Variants in PTPDC1 observed in about 807,000 individuals in gnomAD.
PTPDC1 encodes the protein protein tyrosine phosphatase domain-containing protein 1.
PTPDC1 carries 53 observed loss-of-function variants against 75.3 expected under a neutral mutation model. The ratio of observed to expected loss-of-function variants is 0.70; its 90% confidence interval spans 0.56 to 0.88. The LOEUF (loss-of-function observed/expected upper bound fraction) is 0.88. Among genes scored for constraint, PTPDC1 ranks in the 40% least tolerant of loss-of-function variants. PTPDC1 has a pLI of 0.00. For missense variants in PTPDC1, 925 were observed against 998.6 expected, an observed-to-expected ratio of 0.93 and a Z score of 0.99; for synonymous variants, 349 against 366.2, an observed-to-expected ratio of 0.95 and a Z score of 0.54.
At chr9:94,074,569 C>T (rs768590091) in intron 2 of PTPDC1, among the ~76,000 whole-genome samples, 2 of 152,126 alleles carry the variant, frequency 1.3e-5, no homozygotes, top group South Asian at 4.1e-4. Context: ...TCCCACTCCC[C>T]ACCACCTCTT....
chr9:94,068,424 G>A lies in PTPDC1; in HGVS notation c.82+3603G>A, dbSNP rs113824873. On this transcript the variant is annotated intron_variant, in intron 2 of 9. Coordinates refer to the PTPDC1 transcript ENST00000375360. The stretch of plus-strand genomic sequence containing the variant: ...TTTTTTTTTTGTAACATGTTCCTCA[G>A]TTTGGGTTTGTCTGCTGTTTCCTCA... Among the ~76,000 whole-genome samples the A allele has an allele frequency of 5.6e-3, 856 of 151,890 alleles. 5 individuals carry two copies. Among genetic ancestry groups the A allele is most frequent in the Non-Finnish European group, 8.9e-3 (604 of 67,956 alleles).
At chr9:94,049,092 G>A (rs1339507153) in intron 1 of PTPDC1, among the ~76,000 whole-genome samples, 2 of 152,044 alleles carry the variant, frequency 1.3e-5, no homozygotes, top group African/African-American at 2.4e-5. Context: ...TTGAGCCTAT[G>A]TGTGTCTCTG....
chr9:94,085,230 T>G (rs758951054), intron 1 of PTPDC1, 21 bp from the exon 2 acceptor site: 6 of 1,598,118 alleles, frequency 3.8e-6, no homozygotes, highest in Non-Finnish European at 5.1e-6. Flanking sequence ...TTTTGAATTT[T>G]CCTTTCCTTA....
chr9:94,088,746 G>A (rs368676895), intron 4 of PTPDC1, among the ~76,000 whole-genome samples: 19 of 152,178 alleles, frequency 1.2e-4, no homozygotes, highest in African/African-American at 3.6e-4. Context: ...TTTCAAAGCC[G>A]CCTCAATCAC....
chr9:94,098,435 A>C lies in PTPDC1; in HGVS notation c.1869A>C (p.Lys623Asn). 2.5e-6 allele frequency: 4 copies of C among 1,614,208 alleles called. No homozygotes were observed. Among genetic ancestry groups the C allele is most frequent in the Non-Finnish European group, 3.4e-6 (4 of 1,180,032 alleles). The stretch of plus-strand genomic sequence containing the variant: ...TTGAACATGAAACCCAGGACAGTAA[A>C]GATCTGTCTGAAGCAGCTTCACACT... Reference protein sequence around the residue: ...FLVEHETQDSKDLSEAASHSA... With the variant: ...FLVEHETQDSNDLSEAASHSA... Residue 623 changes from lysine (K) to asparagine (N), a missense_variant, in exon 6 of 9, where the codon AAA becomes AAC. By Grantham distance (94) the Lys-to-Asn change is moderately conservative (BLOSUM62 0). Coordinates refer to ENST00000620992, the MANE Select transcript of PTPDC1 (RefSeq NM_001253829.2).
At chr9:94,076,258 C>A (rs1826684454) in intron 2 of PTPDC1, among the ~76,000 whole-genome samples, 1 of 152,198 alleles carries the variant, frequency 6.6e-6, no homozygotes, top group Admixed American at 6.5e-5. Context: ...CCTGCCTCAG[C>A]CTCCCAAAGT....
rs200916048 is a variant in PTPDC1, at chr9:94,097,545, C to T, written c.979C>T (p.Leu327=). The change falls in exon 6 of 9, where the codon CTG becomes TTG. Residue 327 remains leucine, a synonymous_variant. Coordinates refer to ENST00000620992, the MANE Select transcript of PTPDC1 (RefSeq NM_001253829.2). Reference sequence around the variant, plus strand: ...TCAATATCTAATTCGCCAGCGTCATCTGCTTCATGGTTATGAGGCACGACT... The same window carrying T: ...TCAATATCTAATTCGCCAGCGTCATTTGCTTCATGGTTATGAGGCACGACT... ...LPQYLIRQRH[L]LHGYEARLLK... 178 of 1,614,146 alleles carry T rather than the reference C, an allele frequency of 1.1e-4. No individual in the cohort carries two copies. In the East Asian group the frequency reaches 3.5e-3, roughly 32 times the overall value.
upstream of PTPDC1, among the ~76,000 whole-genome samples, chr9:94,082,342 G>A (rs1184000521): frequency 6.6e-6 from 1 of 152,218 alleles, no homozygotes; most frequent in African/African-American, 2.4e-5. Context: ...ATGACTTTAG[G>A]AAGCAATGAT....
chr9:94,066,142 G>T (rs909091595), intron 2 of PTPDC1, among the ~76,000 whole-genome samples: 1 of 152,078 alleles, frequency 6.6e-6, no homozygotes, highest in East Asian at 1.9e-4. Flanking sequence ...CCAGGTTCCA[G>T]TGACAATGAA....
At chr9:94,032,743 A>T (rs1045002360) in intron 1 of PTPDC1, among the ~76,000 whole-genome samples, 2 of 151,782 alleles carry the variant, frequency 1.3e-5, no homozygotes, top group Admixed American at 6.6e-5. Flanking sequence ...CTGGTCTCAT[A>T]CTCCTGGGCT....
chr9:94,042,513 TA>T (rs538079708), intron 1 of PTPDC1, among the ~76,000 whole-genome samples: 16 of 152,090 alleles, frequency 1.1e-4, no homozygotes, highest in Admixed American at 2.6e-4. Context: ...GCATTAGGTC[TA>T]AAAAAAATAA....
chr9:94,048,216 C>G (rs895230236), intron 1 of PTPDC1, among the ~76,000 whole-genome samples: 8 of 152,296 alleles, frequency 5.3e-5, no homozygotes, highest in Admixed American at 3.3e-4. Flanking sequence ...CAGTTCTGCT[C>G]TGATCTTAGT....
intron 1 of PTPDC1, among the ~76,000 whole-genome samples, chr9:94,054,252 G>A (rs1169020344): frequency 6.6e-6 from 1 of 152,196 alleles, no homozygotes; most frequent in African/African-American, 2.4e-5. Context: ...GTGATGTGGA[G>A]GGTTTTGAAG....
At chr9:94,086,059 A>G (rs1157832007) in intron 2 of PTPDC1, among the ~76,000 whole-genome samples, 2 of 152,230 alleles carry the variant, frequency 1.3e-5, no homozygotes, top group Non-Finnish European at 2.9e-5. Flanking sequence ...CATTTGAAGC[A>G]TACTTAGAGG....
At chr9:94,057,391 A>T (rs1329362535) in intron 1 of PTPDC1, among the ~76,000 whole-genome samples, 1 of 152,124 alleles carries the variant, frequency 6.6e-6, no homozygotes, top group Non-Finnish European at 1.5e-5. Flanking sequence ...GCCCATTACT[A>T]ACTATTAACA....
intron 1 of PTPDC1, 121 bp downstream of exon 1, chr9:94,084,895 G>C (rs894844373): frequency 5.7e-6 from 4 of 696,366 alleles, no homozygotes; most frequent in East Asian, 2.8e-5. Flanking sequence ...ACTTTTTGCT[G>C]TCTGTTATGC....
At chr9:94,070,623 T>C (rs887056344) in intron 2 of PTPDC1, among the ~76,000 whole-genome samples, 1 of 152,188 alleles carries the variant, frequency 6.6e-6, no homozygotes, top group Non-Finnish European at 1.5e-5. Context: ...ACAGAACAGT[T>C]CCATCAACAC....
intron 2 of PTPDC1, among the ~76,000 whole-genome samples, chr9:94,078,746 C>T (rs1564023414): frequency 6.6e-6 from 1 of 152,202 alleles, no homozygotes; most frequent in Non-Finnish European, 1.5e-5. Flanking sequence ...TCTGCCACTT[C>T]AGATCCTCTG....
intron 2 of PTPDC1, among the ~76,000 whole-genome samples, chr9:94,071,975 T>G (rs1826526255): frequency 6.6e-6 from 1 of 152,200 alleles, no homozygotes; most frequent in South Asian, 2.1e-4. Flanking sequence ...TATTTCATTT[T>G]CTTTGGGGAG....
Sources: gnomAD v4.1 joint callset for allele counts (sites outside exome capture counted in the v4.1 genomes callset) on GRCh38, gnomAD v4.1.1 for gene constraint, MANE v1.5 for transcripts, NCBI Gene and HGNC (gene_info 2026-07-23, HGNC 2026-07-21) for gene names.